The following NRXN1 variants were observed in gnomAD, a reference collection of about 807,000 sequenced individuals.
The protein encoded by NRXN1 is neurexin 1.
A neutral mutation model predicts 150.9 loss-of-function variants in NRXN1; 39 were observed. The observed-to-expected ratio is 0.26, with a 90% CI of 0.20 to 0.34. The LOEUF is 0.34. NRXN1 is among the 10% of genes least tolerant of loss of function. The probability of loss-of-function intolerance (pLI) is 1.00; values close to 1 mark genes in which losing one functional copy is unlikely to be tolerated. For missense variants in NRXN1, 1,815 were observed against 1,949.9 expected (o/e 0.93, Z 1.30); for synonymous variants, 924 against 757.0 (o/e 1.22, Z -3.62).
At chr2:50,697,585 C>A (rs1693109958) in intron 5 of NRXN1, among the ~76,000 whole-genome samples, 1 of 152,176 alleles carries the variant, frequency 6.6e-6, no homozygotes, top group South Asian at 2.1e-4. Context: ...ACGCGACACT[C>A]CCCTGAAAGG....
chr2:50,144,440 GA>G (rs1232052907), intron 18 of NRXN1, among the ~76,000 whole-genome samples: 1 of 151,732 alleles, frequency 6.6e-6, no homozygotes, highest in Non-Finnish European at 1.5e-5. Flanking sequence ...AGCTAGGGGG[GA>G]GAAACAGTGT....
In NRXN1 at chr2:50,300,840, C is replaced by A. The variant is rs139862663; in HGVS notation, c.3365-63870G>T. Among the ~76,000 whole-genome samples, 39 of 152,190 alleles carry A rather than the reference C, an allele frequency of 2.6e-4. 1 individual carries two copies. The highest frequency in any genetic ancestry group is 2.3e-3 in the East Asian group (12 of 5,154). ...CCTCCTGAGTAGCCGGGATTACAGG[C>A]GCCTGGCACCACGCCTGGCTAATTT... On this transcript the variant is annotated intron_variant, in intron 17 of 22. Transcript: ENST00000401669.
At chr2:51,015,905 G>A (rs1041011374) in intron 2 of NRXN1, among the ~76,000 whole-genome samples, 4 of 151,798 alleles carry the variant, frequency 2.6e-5, no homozygotes, top group African/African-American at 7.3e-5. Flanking sequence ...AACAGAGCCC[G>A]TACAGCCAAG....
chr2:50,481,128 C>T (rs1472873399), intron 15 of NRXN1, among the ~76,000 whole-genome samples: 1 of 152,180 alleles, frequency 6.6e-6, no homozygotes, highest in African/African-American at 2.4e-5. Flanking sequence ...ATTGCAAGCC[C>T]AGGTCTTCTG....
intron 17 of NRXN1, among the ~76,000 whole-genome samples, chr2:50,250,173 G>A (rs1004076940): frequency 3.9e-5 from 6 of 152,052 alleles, no homozygotes; most frequent in African/African-American, 1.4e-4. Context: ...TTAAGTGACT[G>A]TCTCCCAAAT....
At chr2:50,118,941 C>T (rs987180906) in intron 18 of NRXN1, among the ~76,000 whole-genome samples, 1 of 150,314 alleles carries the variant, frequency 6.7e-6, no homozygotes, top group African/African-American at 2.4e-5. Context: ...AAATTCTGTG[C>T]ATCTCAAAAG....
intron 17 of NRXN1, among the ~76,000 whole-genome samples, chr2:50,372,623 T>G (rs950473974): frequency 1.3e-5 from 2 of 152,064 alleles, no homozygotes; most frequent in African/African-American, 2.4e-5. Flanking sequence ...GAGTATAAAG[T>G]TTTTCTATTT....
At chr2:50,247,291 C>A (rs17463187) in intron 17 of NRXN1, among the ~76,000 whole-genome samples, 8,317 of 152,154 alleles carry the variant, frequency 0.055, 294 homozygotes, top group Middle Eastern at 0.11. Flanking sequence ...TGAAAAGGAG[C>A]ACCAGATCTC....
intron 5 of NRXN1, among the ~76,000 whole-genome samples, chr2:50,887,796 C>T (rs1172928137): frequency 1.3e-5 from 2 of 151,486 alleles, no homozygotes; most frequent in African/African-American, 2.4e-5. Context: ...TGAGGGTGTT[C>T]AGCAACAGAT....
At chr2:50,776,832 T>C (rs1703707826) in intron 5 of NRXN1, among the ~76,000 whole-genome samples, 2 of 152,042 alleles carry the variant, frequency 1.3e-5, no homozygotes, top group Admixed American at 1.3e-4. Context: ...ATTGAGCTCC[T>C]GCCACATCAC....
At chr2:50,108,778 A>G (rs1266423818) in intron 18 of NRXN1, among the ~76,000 whole-genome samples, 1 of 152,136 alleles carries the variant, frequency 6.6e-6, no homozygotes, top group Non-Finnish European at 1.5e-5. Flanking sequence ...ACAGTTTTAC[A>G]TTGTCACCAA....
At chr2:50,819,076 A>G (rs987719608) in intron 5 of NRXN1, among the ~76,000 whole-genome samples, 8 of 152,152 alleles carry the variant, frequency 5.3e-5, no homozygotes, top group African/African-American at 1.9e-4. Flanking sequence ...ACTTTTGGTG[A>G]GAATGTAAAA....
intron 5 of NRXN1, among the ~76,000 whole-genome samples, chr2:50,792,178 G>C (rs923148125): frequency 6.6e-6 from 1 of 152,074 alleles, no homozygotes; most frequent in Non-Finnish European, 1.5e-5. Flanking sequence ...TTTATGTAAA[G>C]CTAGAATTAT....
intron 21 of NRXN1, among the ~76,000 whole-genome samples, chr2:50,051,895 A>G (rs374635897): frequency 1.1e-3 from 163 of 152,218 alleles, no homozygotes; most frequent in African/African-American, 3.7e-3. Flanking sequence ...TTGTAGCCAC[A>G]TGCAAATAGG....
chr2:49,974,315 G>A (rs1428169045), intron 21 of NRXN1: 3 of 481,434 alleles, frequency 6.2e-6, no homozygotes, highest in Non-Finnish European at 1.2e-5. Flanking sequence ...AGCCCAGCCC[G>A]GCACCACTCA....
At chr2:50,985,620 C>A (rs1225930568) in intron 2 of NRXN1, among the ~76,000 whole-genome samples, 1 of 151,028 alleles carries the variant, frequency 6.6e-6, no homozygotes, top group Non-Finnish European at 1.5e-5. Context: ...AAAAAGGATC[C>A]AAGGAAGAAG....
intron 5 of NRXN1, among the ~76,000 whole-genome samples, chr2:50,699,383 G>A (rs1242596020): frequency 1.3e-5 from 2 of 152,146 alleles, no homozygotes; most frequent in Non-Finnish European, 2.9e-5. Context: ...TCTAGAAACA[G>A]AGGAATGATC....
chr2:50,827,354 T>G (rs1208509820), intron 5 of NRXN1, among the ~76,000 whole-genome samples: 6 of 152,228 alleles, frequency 3.9e-5, no homozygotes, highest in Non-Finnish European at 5.9e-5. Flanking sequence ...TTTTTGAAGC[T>G]GTGAAAACTC....
chr2:50,590,672 G>A (rs1674027141), intron 8 of NRXN1, among the ~76,000 whole-genome samples: 1 of 152,094 alleles, frequency 6.6e-6, no homozygotes, highest in Non-Finnish European at 1.5e-5. Context: ...CCTCATAAAA[G>A]AGAGCCCAGA....
Sources: allele counts gnomAD v4.1 joint callset (sites outside exome capture counted in the v4.1 genomes callset), GRCh38; gene constraint gnomAD v4.1.1; transcripts MANE v1.5; gene names NCBI Gene and HGNC (gene_info 2026-07-23, HGNC 2026-07-21).